CSMD1: variants seen among roughly 807,000 people sequenced by gnomAD.
The protein encoded by CSMD1 is CUB and sushi domain-containing protein 1.
In CSMD1, 213 loss-of-function variants were observed where a neutral mutation model predicts 417.5. That is an observed-to-expected ratio of 0.51 (90% confidence interval 0.46 to 0.57). The LOEUF (loss-of-function observed/expected upper bound fraction) is 0.57. CSMD1 is among the 20% of genes least tolerant of loss of function. The pLI is 0.00. For missense variants in CSMD1, 6,923 were observed against 4,529.7 expected, an observed-to-expected ratio of 1.53 and a Z score of -15.17; for synonymous variants, 2,862 against 1,736.8, an observed-to-expected ratio of 1.65 and a Z score of -16.11.
intron 6 of CSMD1, among the ~76,000 whole-genome samples, chr8:3,713,322 C>G (rs1563300956): frequency 6.6e-6 from 1 of 152,182 alleles, no homozygotes; most frequent in Non-Finnish European, 1.5e-5. Context: ...GAAACCATTA[C>G]TATATTTGAA....
At chr8:3,056,597 T>C (rs1411736465) in intron 49 of CSMD1, among the ~76,000 whole-genome samples, 1 of 152,134 alleles carries the variant, frequency 6.6e-6, no homozygotes, top group East Asian at 1.9e-4. Flanking sequence ...CTTGAACTCC[T>C]GGGCTCAAGC....
intron 1 of CSMD1, among the ~76,000 whole-genome samples, chr8:4,821,212 G>T (rs193254012): frequency 2.0e-5 from 3 of 152,254 alleles, no homozygotes; most frequent in Non-Finnish European, 2.9e-5. Flanking sequence ...GTCATGGAAG[G>T]AAAAACATTC....
intron 2 of CSMD1, among the ~76,000 whole-genome samples, chr8:4,527,116 T>C (rs1345806484): frequency 6.6e-6 from 1 of 152,220 alleles, no homozygotes; most frequent in East Asian, 1.9e-4. Flanking sequence ...TAACTTGCTT[T>C]TACTTAAGAT....
chr8:4,909,257 G>A (rs1805502937), intron 1 of CSMD1, among the ~76,000 whole-genome samples: 2 of 152,122 alleles, frequency 1.3e-5, no homozygotes, highest in Admixed American at 6.6e-5. Flanking sequence ...TACTAGCTGT[G>A]AGTCTTTTAG....
chr8:4,245,753 G>A (rs952993681), intron 3 of CSMD1, among the ~76,000 whole-genome samples: 29 of 151,992 alleles, frequency 1.9e-4, no homozygotes, highest in Admixed American at 5.9e-4. Context: ...AAGTCAGGCC[G>A]TATCACCCAA....
chr8:4,549,508 G>A (rs1797772533), intron 2 of CSMD1, among the ~76,000 whole-genome samples: 1 of 151,986 alleles, frequency 6.6e-6, no homozygotes, highest in Non-Finnish European at 1.5e-5. Flanking sequence ...TTAACCTACA[G>A]ATAATTTTGC....
At chr8:3,425,251 T>A (rs1038898502) in intron 12 of CSMD1, among the ~76,000 whole-genome samples, 7 of 152,172 alleles carry the variant, frequency 4.6e-5, no homozygotes, top group African/African-American at 1.4e-4. Flanking sequence ...CTGGGGGACT[T>A]AGAGCTTATC....
At chr8:3,587,984 C>G (rs1800678308) in intron 8 of CSMD1, among the ~76,000 whole-genome samples, 1 of 152,070 alleles carries the variant, frequency 6.6e-6, no homozygotes, top group African/African-American at 2.4e-5. Flanking sequence ...TCATTGCTAG[C>G]CATCACAGTT....
At chr8:3,748,992 A>G (rs147936360) in intron 6 of CSMD1, among the ~76,000 whole-genome samples, 2 of 152,214 alleles carry the variant, frequency 1.3e-5, no homozygotes, top group African/African-American at 2.4e-5. Flanking sequence ...TGGGAATTTC[A>G]TTTTATGAAA....
In CSMD1 at chr8:3,097,029, G is replaced by T. The variant is rs1490210772; in HGVS notation, c.6958C>A (p.Pro2320Thr). 6.5e-7 allele frequency: 1 copy of T among 1,542,512 alleles called. No individual in the cohort carries two copies. Among genetic ancestry groups the T allele is most frequent in the Non-Finnish European group, 8.7e-7 (1 of 1,143,522 alleles). Reference protein sequence around the residue: ...GSLPTCEAQCPANEVRTGSSG... With the variant: ...GSLPTCEAQCTANEVRTGSSG... ...GATCCAGTCCGGACTTCATTTGCTG[G>T]GCATTGTGCTGGAGAGAAAAGTACC... Residue 2320 changes from proline (P) to threonine (T), a missense_variant, in exon 47 of 70, where the codon CCA (proline) becomes ACA (threonine). By Grantham distance (38) the Pro-to-Thr change is conservative (BLOSUM62 -1). Transcript: ENST00000635120.
intron 46 of CSMD1, among the ~76,000 whole-genome samples, chr8:3,099,399 C>T (rs775208903): frequency 4.5e-4 from 69 of 152,118 alleles, no homozygotes; most frequent in Middle Eastern, 3.2e-3. Flanking sequence ...CCTCTTCTGT[C>T]TGTGGTGGAG....
chr8:4,046,383 G>A lies in CSMD1; in HGVS notation c.416-14284C>T, dbSNP rs17068727. The stretch of plus-strand genomic sequence containing the variant: ...AAACACTTTAATTTACTTGGCATTA[G>A]TATATTACAAATCCATGATTTTCAT... On this transcript the variant is annotated intron_variant, in intron 3 of 69. Transcript: ENST00000635120. Among the ~76,000 whole-genome samples, 2 of 151,944 alleles carry A rather than the reference G, an allele frequency of 1.3e-5. 1 individual carries two copies. The highest frequency in any genetic ancestry group is 4.8e-5 in the African/African-American group (2 of 41,350).
intron 25 of CSMD1, among the ~76,000 whole-genome samples, chr8:3,300,921 C>T (rs189687647): frequency 0.11 from 15,463 of 138,168 alleles, 877 homozygotes; most frequent in Middle Eastern, 0.17. Context: ...ATTGCGCCAC[C>T]GCACTCCAGC....
At chr8:4,428,903 C>A (rs756326498) in intron 2 of CSMD1, among the ~76,000 whole-genome samples, 1 of 151,884 alleles carries the variant, frequency 6.6e-6, no homozygotes, top group African/African-American at 2.4e-5. Context: ...TTAACAGAGA[C>A]AGGGTTTCAC....
At chr8:4,055,047 T>C (rs1798620139) in intron 3 of CSMD1, among the ~76,000 whole-genome samples, 6 of 152,318 alleles carry the variant, frequency 3.9e-5, no homozygotes, top group South Asian at 2.1e-4. Flanking sequence ...TACATGAATA[T>C]ACTATATTCA....
chr8:4,260,695 C>G (rs943142441), intron 3 of CSMD1, among the ~76,000 whole-genome samples: 1 of 151,938 alleles, frequency 6.6e-6, no homozygotes, highest in Non-Finnish European at 1.5e-5. Context: ...TCCAAAATTC[C>G]CATGTCGTTG....
Position 4,882,658 on chromosome 8 carries a change from TAG to T in CSMD1, c.85+111672_85+111673del, listed in dbSNP as rs568955552. 1.6e-4 allele frequency among the ~76,000 whole-genome samples: 24 copies of T among 152,102 alleles called. No individual in the cohort carries two copies. In the South Asian group the frequency reaches 5.0e-3, roughly 32 times the overall value. ...TTCCCATGCTCTGTGTACAACGTTG[TAG>T]ACTCTTCAAATTATTCCATTTGATG... is the stretch of plus-strand genomic sequence containing the variant. On this transcript the variant is annotated intron_variant, in intron 1 of 69. Transcript: ENST00000635120.
At chr8:3,548,182 T>C (rs1798756704) in intron 10 of CSMD1, among the ~76,000 whole-genome samples, 1 of 152,146 alleles carries the variant, frequency 6.6e-6, no homozygotes, top group Non-Finnish European at 1.5e-5. Flanking sequence ...TCCTGCAACC[T>C]AGGATTCCTT....
intron 42 of CSMD1, among the ~76,000 whole-genome samples, chr8:3,115,521 T>A (rs565099184): frequency 1.6e-3 from 243 of 152,262 alleles, no homozygotes; most frequent in African/African-American, 4.4e-3. Context: ...CACCTTTTTT[T>A]AATTTTTTAA....
Sources: gnomAD v4.1 joint callset for allele counts (sites outside exome capture counted in the v4.1 genomes callset) on GRCh38, gnomAD v4.1.1 for gene constraint, MANE v1.5 for transcripts, NCBI Gene and HGNC (gene_info 2026-07-23, HGNC 2026-07-21) for gene names.